FRMD3: variants seen among roughly 807,000 people sequenced by gnomAD.
The protein encoded by FRMD3 is FERM domain-containing protein 3.
A neutral mutation model predicts 70.2 loss-of-function variants in FRMD3; 33 were observed. The ratio of observed to expected loss-of-function variants is 0.47; its 90% CI spans 0.36 to 0.63. The LOEUF is 0.63. FRMD3 is among the 20% of genes least tolerant of loss of function. FRMD3 has a pLI of 0.00. For synonymous variants in FRMD3, 279 were observed against 255.9 expected (o/e 1.09, Z -0.86); for missense variants, 632 against 711.4 (o/e 0.89, Z 1.27).
At chr9:83,289,980 T>A (rs558385839) in intron 13 of FRMD3, among the ~76,000 whole-genome samples, 1 of 152,312 alleles carries the variant, frequency 6.6e-6, no homozygotes, top group South Asian at 2.1e-4. Context: ...GGGGTTGCAG[T>A]GGACACTTCA....
intron 6 of FRMD3, among the ~76,000 whole-genome samples, chr9:83,333,920 C>G (rs1434950320): frequency 6.6e-6 from 1 of 152,122 alleles, no homozygotes; most frequent in Non-Finnish European, 1.5e-5. Flanking sequence ...TTTGGGAGAA[C>G]TGAGTGGGAT....
At chr9:83,281,598 C>G (rs1038182906) in intron 13 of FRMD3, 1 of 152,108 alleles carries the variant, frequency 6.6e-6, no homozygotes, top group Non-Finnish European at 1.5e-5. Context: ...ATTGCTTCCA[C>G]GAAGACAGCC....
intron 1 of FRMD3, among the ~76,000 whole-genome samples, chr9:83,500,196 C>T (rs1829031912): frequency 6.6e-6 from 1 of 151,978 alleles, no homozygotes; most frequent in Non-Finnish European, 1.5e-5. Context: ...TCAAAACCCA[C>T]AGAAATGTAC....
chr9:83,582,998 C>A, the FRMD3 span, among the ~76,000 whole-genome samples: 1 of 152,138 alleles, frequency 6.6e-6, no homozygotes, highest in African/African-American at 2.4e-5. Context: ...GTTTTAAAAA[C>A]TGAACTTATT....
At chr9:83,573,215 CA>C in the FRMD3 span, among the ~76,000 whole-genome samples, 5 of 148,858 alleles carry the variant, frequency 3.4e-5, no homozygotes, top group Non-Finnish European at 5.9e-5. Flanking sequence ...CCAAGAGCAC[CA>C]AAAAAAAGGA....
chr9:83,351,323 T>TACACACACACACACACACACACACAC (rs56407249), intron 3 of FRMD3, among the ~76,000 whole-genome samples: 27 of 143,874 alleles, frequency 1.9e-4, no homozygotes, highest in African/African-American at 2.6e-4. Flanking sequence ...AAACTGATCA[T>TACACACACACACACACACACACACAC]ACACACACAC....
At chr9:83,542,385 G>T (rs1830009658), upstream of FRMD3, among the ~76,000 whole-genome samples, 1 of 152,058 alleles carries the variant, frequency 6.6e-6, no homozygotes, top group South Asian at 2.1e-4. Context: ...AAATATTTAG[G>T]TATAAATCTA....
chr9:83,290,876 A>T (rs1282060740), intron 12 of FRMD3, 149 bp from the exon 13 acceptor site: 7 of 765,600 alleles, frequency 9.1e-6, no homozygotes, highest in Non-Finnish European at 1.4e-5. Flanking sequence ...ATGACGTAAC[A>T]TTCAAGATAA....
At chr9:83,377,125 A>G (rs1425106707) in intron 2 of FRMD3, among the ~76,000 whole-genome samples, 5 of 152,214 alleles carry the variant, frequency 3.3e-5, no homozygotes, top group African/African-American at 4.8e-5. Flanking sequence ...ATAATCACTA[A>G]GATACTAAGA....
At chr9:83,271,157 A>G (rs555595568) in intron 13 of FRMD3, among the ~76,000 whole-genome samples, 15 of 152,204 alleles carry the variant, frequency 9.9e-5, no homozygotes, top group Non-Finnish European at 1.9e-4. Flanking sequence ...ATCATCATCA[A>G]TATCATGCAA....
chr9:83,538,417 T>G (rs1340909825), upstream of FRMD3: 9 of 410,698 alleles, frequency 2.2e-5, no homozygotes, highest in Non-Finnish European at 1.6e-5. The surrounding 1 kb of genome is among the most constrained non-coding windows in gnomAD (Gnocchi z 4.7). Context: ...GGTCCCTCCC[T>G]CTGTTCGCTC....
chr9:83,414,584 A>T (rs528401878), intron 1 of FRMD3, among the ~76,000 whole-genome samples: 12 of 152,362 alleles, frequency 7.9e-5, no homozygotes, highest in African/African-American at 2.9e-4. Flanking sequence ...CAATACTTTT[A>T]TCTGACAAAA....
intron 13 of FRMD3, among the ~76,000 whole-genome samples, chr9:83,256,069 C>A (rs1832693472): frequency 6.6e-6 from 1 of 152,080 alleles, no homozygotes; most frequent in South Asian, 2.1e-4. Context: ...CCAAGACAAT[C>A]CTAAGCAAAA....
At chr9:83,541,039 C>T (rs1829993706), upstream of FRMD3, among the ~76,000 whole-genome samples, 1 of 152,154 alleles carries the variant, frequency 6.6e-6, no homozygotes, top group Admixed American at 6.5e-5. Flanking sequence ...AGAAGCATGC[C>T]CTCTTCCTTA....
Position 83,434,819 on chromosome 9 carries a change from C to CTTT in FRMD3, c.148-45114_148-45112dup, listed in dbSNP as rs757810185. 9.6e-3 allele frequency among the ~76,000 whole-genome samples: 719 copies of CTTT among 74,874 alleles called. 2 individuals carry two copies. The highest frequency in any genetic ancestry group is 0.012 in the Middle Eastern group (1 of 84). 49.1% of individuals were successfully genotyped at this position (74,874 alleles called of 152,430 possible). On this transcript the variant is annotated intron_variant, in intron 1 of 13. Coordinates refer to ENST00000304195, the MANE Select transcript of FRMD3 (RefSeq NM_174938.6). ...ATCTCTCCCCTCCCCCACCCCTCTG[C>CTTT]TTTTTTTTTTTTTTTTTTTTTTTTT...
At chr9:83,367,374 T>A (rs1449807355) in intron 3 of FRMD3, among the ~76,000 whole-genome samples, 2 of 152,148 alleles carry the variant, frequency 1.3e-5, no homozygotes, top group Non-Finnish European at 2.9e-5. Flanking sequence ...GTAGAGTGGG[T>A]TAATTGCAAC....
At chr9:83,300,244 G>T (rs1489903368) in intron 10 of FRMD3, among the ~76,000 whole-genome samples, 2 of 152,166 alleles carry the variant, frequency 1.3e-5, no homozygotes, top group African/African-American at 2.4e-5. Flanking sequence ...AAGACACATG[G>T]CTGATCTAGC....
At chr9:83,482,949 T>G (rs1446551070) in intron 1 of FRMD3, among the ~76,000 whole-genome samples, 1 of 152,208 alleles carries the variant, frequency 6.6e-6, no homozygotes, top group Non-Finnish European at 1.5e-5. Flanking sequence ...CAGGAGCTGT[T>G]GCAGGGGCAT....
chr9:83,468,348 A>G (rs1828184880), intron 1 of FRMD3, among the ~76,000 whole-genome samples: 1 of 152,224 alleles, frequency 6.6e-6, no homozygotes, highest in African/African-American at 2.4e-5. Flanking sequence ...AACCACCTGA[A>G]GCTGCATTCT....
Sources: gnomAD v4.1 joint callset for allele counts (sites outside exome capture counted in the v4.1 genomes callset) on GRCh38, gnomAD v4.1.1 for gene constraint, Gnocchi (gnomAD v3.1) non-coding constraint, MANE v1.5 for transcripts, NCBI Gene and HGNC (gene_info 2026-07-23, HGNC 2026-07-21) for gene names.